CERS6: variants seen among roughly 807,000 people sequenced by gnomAD.
CERS6 encodes LAG1 homolog, ceramide synthase 6.
A neutral mutation model predicts 56.8 loss-of-function variants in CERS6; 26 were observed. The observed-to-expected ratio is 0.46, with a 90% CI of 0.34 to 0.63. CERS6 has a LOEUF of 0.63. Ranked by LOEUF, CERS6 falls within the 30% of genes least tolerant of loss-of-function variation. CERS6 has a pLI of 0.01. For missense variants in CERS6, 415 were observed against 467.5 expected (o/e 0.89, Z 1.04); for synonymous variants, 164 against 173.3 (o/e 0.95, Z 0.42).
intron 4 of CERS6, among the ~76,000 whole-genome samples, chr2:168,649,293 A>C (rs773025323): frequency 5.3e-5 from 8 of 152,126 alleles, no homozygotes; most frequent in Non-Finnish European, 1.0e-4. Flanking sequence ...ACCTTAAGTG[A>C]CAGAGCTGGC....
chr2:168,767,433 GACTTAACA>G (rs1684754347), intron 9 of CERS6, among the ~76,000 whole-genome samples: 2 of 152,128 alleles, frequency 1.3e-5, no homozygotes, highest in Admixed American at 6.5e-5. Context: ...ATGACTAATG[GACTTAACA>G]ACATAGTGGA....
At chr2:168,616,135 A>G (rs151051512) in intron 3 of CERS6, among the ~76,000 whole-genome samples, 5,404 of 152,260 alleles carry the variant, frequency 0.035, 243 homozygotes, top group African/African-American at 0.1. Flanking sequence ...TCACAAATGA[A>G]GGAAAGATAC....
chr2:168,594,342 T>C (rs150806255), intron 3 of CERS6, among the ~76,000 whole-genome samples: 4,582 of 152,242 alleles, frequency 0.03, 210 homozygotes, highest in African/African-American at 0.099. Context: ...CCTAGCACTT[T>C]GGGAGGCTAA....
At chr2:168,636,259 C>T (rs1413310463) in intron 4 of CERS6, among the ~76,000 whole-genome samples, 3 of 152,110 alleles carry the variant, frequency 2.0e-5, no homozygotes, top group South Asian at 4.1e-4. Flanking sequence ...AAACTGGAAG[C>T]CTGTTTTGCT....
chr2:168,625,681 G>T (rs1281160657), intron 3 of CERS6, among the ~76,000 whole-genome samples: 2 of 152,136 alleles, frequency 1.3e-5, no homozygotes, highest in Non-Finnish European at 2.9e-5. Context: ...ATCCAGAAAA[G>T]GTGGCTTTAT....
At chr2:168,604,022 A>G (rs1399894693) in intron 3 of CERS6, among the ~76,000 whole-genome samples, 1 of 152,232 alleles carries the variant, frequency 6.6e-6, no homozygotes, top group African/African-American at 2.4e-5. Flanking sequence ...ATTATGGAGA[A>G]CTGTTATTAG....
At position 168,769,611 on chromosome 2, in the gene CERS6, C is replaced by A. The variant is rs1244813417; in HGVS notation, c.1104C>A (p.Thr368=). The change falls in exon 10 of 10, where the codon ACC becomes ACA. Residue 368 remains threonine, a synonymous_variant. Transcript: ENST00000305747. ...NPHTATTTNG[T]SGTNGYLLTG... is the part of the protein sequence containing the mutation. The stretch of plus-strand genomic sequence containing the variant: ...ACACTGCGACAACCACCAATGGGAC[C>A]AGTGGTACCAACGGGTATCTCCTGA... 6.2e-7 allele frequency: 1 copy of A among 1,612,424 alleles called. No individual in the cohort carries two copies.
intron 4 of CERS6, among the ~76,000 whole-genome samples, chr2:168,648,040 G>A (rs1328481615): frequency 6.6e-6 from 1 of 152,134 alleles, no homozygotes; most frequent in African/African-American, 2.4e-5. Flanking sequence ...TTGACATGGG[G>A]GAAGAGTTTC....
chr2:168,732,842 GTTTAT>G (rs555356874), intron 8 of CERS6, among the ~76,000 whole-genome samples: 1 of 152,062 alleles, frequency 6.6e-6, no homozygotes, highest in Non-Finnish European at 1.5e-5. Flanking sequence ...TAGGGTCATT[GTTTAT>G]TTTTATCTTC....
chr2:168,609,612 A>C (rs1230578363), intron 3 of CERS6, among the ~76,000 whole-genome samples: 6 of 152,128 alleles, frequency 3.9e-5, no homozygotes, highest in Non-Finnish European at 7.4e-5. Flanking sequence ...ACCTTTAATG[A>C]CAGTCCCCTG....
chr2:168,517,317 C>CCCCA (rs1443600432), intron 1 of CERS6, among the ~76,000 whole-genome samples: 4 of 151,554 alleles, frequency 2.6e-5, no homozygotes, highest in African/African-American at 7.3e-5. Context: ...CATGGAGAAA[C>CCCCA]CCCACCTCTA....
intron 4 of CERS6, among the ~76,000 whole-genome samples, chr2:168,660,866 A>T (rs532782663): frequency 5.9e-5 from 9 of 152,340 alleles, no homozygotes; most frequent in Admixed American, 5.2e-4. Flanking sequence ...AGCAATTTCC[A>T]TATTGATCAT....
At position 168,753,879 on chromosome 2, in the gene CERS6, C is replaced by G. The variant is rs571735836; in HGVS notation, c.846-11713C>G. 1.8e-4 allele frequency among the ~76,000 whole-genome samples: 28 copies of G among 152,330 alleles called. 1 individual carries two copies. The highest frequency in any genetic ancestry group is 1.6e-3 in the Admixed American group (25 of 15,292). Reference sequence around the variant, plus strand: ...CTAGCTAGAGGAGAAATTTCTTACACTCTAGGTAAGAGTAAAACACTATCT... The same window carrying G: ...CTAGCTAGAGGAGAAATTTCTTACAGTCTAGGTAAGAGTAAAACACTATCT... On this transcript the variant is annotated intron_variant, in intron 8 of 9. Coordinates refer to ENST00000305747, the MANE Select transcript of CERS6 (RefSeq NM_203463.3).
intron 1 of CERS6, among the ~76,000 whole-genome samples, chr2:168,527,249 A>C (rs1326776459): frequency 1.3e-5 from 2 of 152,184 alleles, no homozygotes; most frequent in African/African-American, 4.8e-5. Flanking sequence ...GTTCACATCA[A>C]GATTGAATTA....
At chr2:168,677,167 C>T (rs754773245) in intron 4 of CERS6, among the ~76,000 whole-genome samples, 2 of 152,044 alleles carry the variant, frequency 1.3e-5, no homozygotes, top group Admixed American at 1.3e-4. Context: ...TATCCCTCCC[C>T]TTCTCCCCCA....
At chr2:168,747,510 G>A (rs931704842) in intron 8 of CERS6, among the ~76,000 whole-genome samples, 6 of 152,108 alleles carry the variant, frequency 3.9e-5, no homozygotes, top group African/African-American at 9.6e-5. Flanking sequence ...ATAGATAACC[G>A]TAAAAGTGAC....
At chr2:168,538,602 C>A (rs1158120852) in intron 1 of CERS6, among the ~76,000 whole-genome samples, 2 of 152,182 alleles carry the variant, frequency 1.3e-5, no homozygotes, top group Non-Finnish European at 2.9e-5. Context: ...GCACTTCTCA[C>A]CATCTGGCAT....
At chr2:168,654,666 C>A (rs577279416) in intron 4 of CERS6, among the ~76,000 whole-genome samples, 7 of 152,334 alleles carry the variant, frequency 4.6e-5, no homozygotes, top group African/African-American at 1.7e-4. Context: ...AGTGCAAAAC[C>A]TGCTCTAAAT....
chr2:168,549,964 A>G (rs1294777986), intron 2 of CERS6, among the ~76,000 whole-genome samples: 1 of 152,122 alleles, frequency 6.6e-6, no homozygotes, highest in African/African-American at 2.4e-5. Flanking sequence ...GCCTTTTTGT[A>G]GAAGGGCATG....
Sources: allele counts gnomAD v4.1 joint callset (sites outside exome capture counted in the v4.1 genomes callset), GRCh38; gene constraint gnomAD v4.1.1; transcripts MANE v1.5; gene names NCBI Gene and HGNC (gene_info 2026-07-23, HGNC 2026-07-21).